Variants in BUB1B observed in about 807,000 individuals in gnomAD.
The protein encoded by BUB1B is BUB1 mitotic checkpoint serine/threonine kinase B, also known as mitotic checkpoint serine/threonine-protein kinase BUB1 beta.
BUB1B carries 86 observed loss-of-function variants against 137.7 expected under a neutral mutation model. That is an observed-to-expected ratio of 0.62 (90% CI 0.52 to 0.75). The LOEUF (loss-of-function observed/expected upper bound fraction) is 0.75, where lower values mean the gene tolerates loss of function less well. Among genes scored for constraint, BUB1B ranks in the 30% least tolerant of loss-of-function variants. The pLI, the probability that BUB1B is intolerant of heterozygous loss-of-function variation, is 0.00. For missense variants in BUB1B, 1,130 were observed against 1,236.9 expected (o/e 0.91, Z 1.30); for synonymous variants, 420 against 417.9 (o/e 1.00, Z -0.06).
rs2037078103 is a variant in BUB1B at position 40,164,952 on chromosome 15, C to T, written c.36-101C>T. ...TATGTGTCAGTCCACTATATTCAAC[C>T]CAAGACCATGAATAATCACCTTTCG... On this transcript the variant is annotated intron_variant, in intron 1 of 22. Transcript: ENST00000287598. 5 of 1,451,606 alleles carry T rather than the reference C, an allele frequency of 3.4e-6. No individual in the cohort carries two copies. In the Admixed American group the frequency reaches 6.9e-5, roughly 20 times the overall value. 89.9% of individuals were successfully genotyped at this position (1,451,606 alleles called of 1,614,324 possible).
chr15:40,188,295 G>A (rs1373282149), intron 8 of BUB1B, among the ~76,000 whole-genome samples: 3 of 152,002 alleles, frequency 2.0e-5, no homozygotes, highest in African/African-American at 4.8e-5. Flanking sequence ...TGCCTGTCTC[G>A]GCCTCCCAAA....
At position 40,185,185 on chromosome 15, in the gene BUB1B, C is replaced by T. The variant is rs146387899; in HGVS notation, c.772C>T (p.Leu258Phe). ...ALKAPSQNRGLQNPFPQQMQN... is the reference protein window; with the variant it reads ...ALKAPSQNRGFQNPFPQQMQN... The stretch of plus-strand genomic sequence containing the variant: ...CCTAGCTCCAAGCCAGAACAGAGGA[C>T]TCCAAAATCCATTTCCTCAACAGAT... Residue 258 changes from leucine to phenylalanine, a missense_variant, in exon 7 of 23, where the codon CTC (leucine) becomes TTC (phenylalanine). Transcript: ENST00000287598. The T allele has an allele frequency of 1.4e-4, 224 of 1,613,990 alleles. No individual in the cohort carries two copies. In the African/African-American group the frequency reaches 2.7e-3, roughly 19 times the overall value.
intron 5 of BUB1B, among the ~76,000 whole-genome samples, chr15:40,182,261 G>A (rs1421861620): frequency 6.6e-6 from 1 of 152,136 alleles, no homozygotes; most frequent in Non-Finnish European, 1.5e-5. Flanking sequence ...TTTTATGTTT[G>A]CATTTGCTTA....
chr15:40,187,083 C>G (rs1566821170), intron 8 of BUB1B: 1 of 150,972 alleles, frequency 6.6e-6, no homozygotes, highest in Non-Finnish European at 1.5e-5. Flanking sequence ...GCCAGGAGTT[C>G]GAGACCAGCC....
chr15:40,181,949 A>G (rs936455083), intron 5 of BUB1B, among the ~76,000 whole-genome samples: 1 of 152,230 alleles, frequency 6.6e-6, no homozygotes, highest in African/African-American at 2.4e-5. Flanking sequence ...CACGCCTGTA[A>G]TCCCAACACG....
At chr15:40,162,780 T>C (rs1329113025) in intron 1 of BUB1B, among the ~76,000 whole-genome samples, 1 of 152,056 alleles carries the variant, frequency 6.6e-6, no homozygotes, top group Admixed American at 6.6e-5. Context: ...TTAACTGAGA[T>C]AGTGTAATTC....
Position 40,206,447 on chromosome 15 carries a change from C to G in BUB1B, c.1998C>G (p.Ile666Met), listed in dbSNP as rs747909507. The G allele has an allele frequency of 1.2e-6, 2 of 1,614,180 alleles. No homozygotes were observed. Among genetic ancestry groups the G allele is most frequent in the South Asian group, 2.2e-5 (2 of 91,082 alleles). Residue 666 changes from isoleucine to methionine, a missense_variant, in exon 15 of 23, where the codon ATC becomes ATG. Physicochemically the swap from Ile to Met is conservative, Grantham distance 10 (BLOSUM62 1). Coordinates refer to ENST00000287598, the MANE Select transcript of BUB1B (RefSeq NM_001211.6). ...CTATCTACAGTCAGACTCTCAGCATCAAGAAGCTGAGGTGATTGGGGATTT... is the reference window on the plus strand; with the variant it reads ...CTATCTACAGTCAGACTCTCAGCATGAAGAAGCTGAGGTGATTGGGGATTT... The part of the protein sequence containing the change: ...CGTIYSQTLS[I>M]KKLSPIIEDS...
At chr15:40,206,584 C>T in intron 15 of BUB1B, 126 bp downstream of exon 15, 2 of 1,207,744 alleles carry the variant, frequency 1.7e-6, no homozygotes, top group Non-Finnish European at 2.4e-6. Flanking sequence ...AAGTGCTTTA[C>T]ATGAGAGTAG....
At chr15:40,200,020 G>A in intron 10 of BUB1B, 1 of 595,198 alleles carries the variant, frequency 1.7e-6, no homozygotes, top group Non-Finnish European at 3.0e-6. Context: ...ATTAAAATGG[G>A]ATTGCCTAAA....
chr15:40,193,698 G>A (rs1309036297), intron 8 of BUB1B, among the ~76,000 whole-genome samples: 1 of 151,678 alleles, frequency 6.6e-6, no homozygotes, highest in East Asian at 1.9e-4. Flanking sequence ...ATGAGGTCAG[G>A]AGTTCGCCAA....
intron 5 of BUB1B, among the ~76,000 whole-genome samples, chr15:40,181,580 C>G (rs1339946801): frequency 6.6e-6 from 1 of 152,176 alleles, no homozygotes; most frequent in African/African-American, 2.4e-5. Flanking sequence ...TCCCCCGACT[C>G]TGCTACCAAT....
At chr15:40,214,344 G>A (rs764766139) in intron 20 of BUB1B, among the ~76,000 whole-genome samples, 3 of 152,136 alleles carry the variant, frequency 2.0e-5, no homozygotes, top group South Asian at 2.1e-4. Flanking sequence ...TATAGATCAC[G>A]TTCAGGCATT....
intron 5 of BUB1B, among the ~76,000 whole-genome samples, chr15:40,180,574 T>C (rs1365295976): frequency 7.3e-5 from 11 of 151,478 alleles, no homozygotes. Context: ...CCAACATTTC[T>C]TTTCTTTCAC....
At chr15:40,190,453 A>C (rs1192938244) in intron 8 of BUB1B, among the ~76,000 whole-genome samples, 1 of 152,028 alleles carries the variant, frequency 6.6e-6, no homozygotes, top group Non-Finnish European at 1.5e-5. Context: ...CTCTACTAAA[A>C]ATAAAAATAC....
At position 40,200,225 on chromosome 15, in the gene BUB1B, G is replaced by T; in HGVS notation, c.1402-19G>T. On this transcript the variant is annotated intron_variant, in intron 10 of 22. Coordinates refer to ENST00000287598, the MANE Select transcript of BUB1B (RefSeq NM_001211.6). Reference sequence around the variant, plus strand: ...TCTGGATGGGAGGGACATTGATTTTGTTTATTTAATGCAAACAGCAAGAAG... The same window carrying T: ...TCTGGATGGGAGGGACATTGATTTTTTTTATTTAATGCAAACAGCAAGAAG... The T allele has an allele frequency of 6.4e-7, 1 of 1,565,584 alleles. No homozygotes were observed. Among genetic ancestry groups the T allele is most frequent in the Non-Finnish European group, 8.8e-7 (1 of 1,137,578 alleles).
chr15:40,215,618 A>C (rs1371306455), intron 20 of BUB1B, among the ~76,000 whole-genome samples: 1 of 152,148 alleles, frequency 6.6e-6, no homozygotes, highest in Non-Finnish European at 1.5e-5. Flanking sequence ...AAATACAACA[A>C]GATAGCCAGC....
In BUB1B at chr15:40,209,656, G is replaced by A. The variant is rs2140906171; in HGVS notation, c.2165G>A (p.Trp722Ter). ...ETSENPTQSP[W>*]CSQYRRQLLK... Reference sequence around the variant, plus strand: ...GCAGAAAACCCTACTCAGTCACCATGGTGTTCACAGTATCGCAGACAGCTA... The same window carrying A: ...GCAGAAAACCCTACTCAGTCACCATAGTGTTCACAGTATCGCAGACAGCTA... The change falls in exon 17 of 23, where the codon TGG becomes TAG. Residue 722 changes from tryptophan (W) to a stop codon, truncating the protein, a stop_gained. Transcript: ENST00000287598. LOFTEE classifies it high-confidence loss of function. 1.2e-6 allele frequency: 2 copies of A among 1,614,062 alleles called. No homozygotes were observed. The highest frequency in any genetic ancestry group is 4.5e-5 in the East Asian group (2 of 44,870).
At position 40,161,111 on chromosome 15, in the gene BUB1B, C is replaced by T. The variant is rs954803987; in HGVS notation, c.-110C>T. The T allele has an allele frequency of 3.5e-6, 5 of 1,433,412 alleles. No individual in the cohort carries two copies. In the African/African-American group the frequency reaches 5.7e-5, roughly 16 times the overall value. The allele number at this position is 1,433,412 out of a possible 1,614,324, so 88.8% of individuals were successfully genotyped here. ...GGTTTGTTAGGGAGTCGTGTACGTGCCTTGGTCGCTTCTGTAGCTCCGAGG... is the reference window on the plus strand; with the variant it reads ...GGTTTGTTAGGGAGTCGTGTACGTGTCTTGGTCGCTTCTGTAGCTCCGAGG... On this transcript the variant is annotated 5_prime_UTR_variant, in exon 1 of 23. Transcript: ENST00000287598.
intron 3 of BUB1B, 58 bp from the exon 4 acceptor site, chr15:40,170,479 A>G: frequency 1.9e-6 from 3 of 1,591,582 alleles, no homozygotes; most frequent in Non-Finnish European, 2.6e-6. Context: ...GTCTTGGAGC[A>G]AGAACAAAAG....
Sources: gnomAD v4.1 joint callset for allele counts (sites outside exome capture counted in the v4.1 genomes callset) on GRCh38, gnomAD v4.1.1 for gene constraint, MANE v1.5 for transcripts, NCBI Gene and HGNC (gene_info 2026-07-23, HGNC 2026-07-21) for gene names.